FHIT: variants seen among roughly 807,000 people sequenced by gnomAD.
FHIT encodes the protein fragile histidine triad diadenosine triphosphatase.
A neutral mutation model predicts 17.9 loss-of-function variants in FHIT; 19 were observed. The ratio of observed to expected loss-of-function variants is 1.06; its 90% CI spans 0.74 to 1.56. The LOEUF is 1.56. FHIT is among the 40% of genes most tolerant of loss of function. The pLI, the probability that FHIT is intolerant of heterozygous loss-of-function variation, is 0.00. For missense variants in FHIT, 248 were observed against 189.2 expected, an observed-to-expected ratio of 1.31 and a Z score of -1.82; for synonymous variants, 81 against 69.7, an observed-to-expected ratio of 1.16 and a Z score of -0.81.
At chr3:60,226,299 C>T (rs1704193723) in intron 5 of FHIT, among the ~76,000 whole-genome samples, 1 of 151,894 alleles carries the variant, frequency 6.6e-6, no homozygotes, top group African/African-American at 2.4e-5. Flanking sequence ...AGGGAGAAAC[C>T]CTGTCTCTAC....
At chr3:61,027,259 G>A (rs1275306371) in intron 3 of FHIT, among the ~76,000 whole-genome samples, 2 of 151,950 alleles carry the variant, frequency 1.3e-5, no homozygotes, top group East Asian at 1.9e-4. Flanking sequence ...GCAAATTTTT[G>A]TAGTTTTAGT....
chr3:59,994,231 T>C (rs984958064), intron 7 of FHIT, among the ~76,000 whole-genome samples: 2 of 151,938 alleles, frequency 1.3e-5, no homozygotes, highest in African/African-American at 4.8e-5. Context: ...AACTGCAAAA[T>C]ATTAAGCCAC....
intron 5 of FHIT, among the ~76,000 whole-genome samples, chr3:60,173,321 G>A (rs1287577753): frequency 6.6e-6 from 1 of 152,136 alleles, no homozygotes; most frequent in Non-Finnish European, 1.5e-5. Context: ...ATTCACCAGT[G>A]AATCTCAAGT....
intron 2 of FHIT, among the ~76,000 whole-genome samples, chr3:61,184,203 C>T (rs902627324): frequency 1.3e-5 from 2 of 152,080 alleles, no homozygotes; most frequent in African/African-American, 2.4e-5. Flanking sequence ...ACACACCTCT[C>T]GGCTAACATC....
chr3:60,465,985 C>A (rs562703824), intron 5 of FHIT, among the ~76,000 whole-genome samples: 7 of 152,128 alleles, frequency 4.6e-5, no homozygotes, highest in Non-Finnish European at 1.0e-4. Context: ...ATAGAATGGG[C>A]ATTTTAACAG....
intron 4 of FHIT, among the ~76,000 whole-genome samples, chr3:60,662,174 T>A (rs1387611482): frequency 6.6e-6 from 1 of 152,218 alleles, no homozygotes; most frequent in Non-Finnish European, 1.5e-5. Context: ...TGGTTTCAGG[T>A]CTTAGATTTA....
Position 60,536,899 on chromosome 3 carries a change from A to C in FHIT, c.64T>G (p.Ser22Ala), listed in dbSNP as rs141483349. ...GGTTTCCTATTCACAAGAGCGAAGG[A>C]CAGTTCTGTTTTGAGAAACACTACA... ...PSVVFLKTEL[S>A]FALVNRKPVV... Residue 22 changes from serine to alanine, a missense_variant, in exon 5 of 10, where the codon TCC becomes GCC. By Grantham distance (99) the Ser-to-Ala change is moderately conservative (BLOSUM62 1). Transcript: ENST00000492590. 1.2e-6 allele frequency: 2 copies of C among 1,613,486 alleles called. No individual in the cohort carries two copies. Among genetic ancestry groups the C allele is most frequent in the Non-Finnish European group, 1.7e-6 (2 of 1,179,694 alleles).
At chr3:60,176,848 C>G (rs1199879310) in intron 5 of FHIT, among the ~76,000 whole-genome samples, 2 of 152,122 alleles carry the variant, frequency 1.3e-5, no homozygotes, top group Admixed American at 1.3e-4. Flanking sequence ...CCATAAAATC[C>G]GTTGCTTGGA....
chr3:60,692,401 C>A (rs1455359964), intron 4 of FHIT, among the ~76,000 whole-genome samples: 4 of 152,090 alleles, frequency 2.6e-5, no homozygotes, highest in African/African-American at 9.7e-5. Context: ...AATCGTCTGA[C>A]CTTAAAACAG....
At chr3:59,876,525 T>C (rs1317429562) in intron 8 of FHIT, among the ~76,000 whole-genome samples, 2 of 152,120 alleles carry the variant, frequency 1.3e-5, no homozygotes, top group African/African-American at 4.8e-5. Context: ...GAGACCAATG[T>C]TCCATTGTCA....
chr3:59,911,039 C>G (rs1414591317), intron 8 of FHIT, among the ~76,000 whole-genome samples: 1 of 152,164 alleles, frequency 6.6e-6, no homozygotes, highest in African/African-American at 2.4e-5. Context: ...TAACTTTTCT[C>G]TCTCCAGTTT....
At position 60,220,698 on chromosome 3, in the gene FHIT, C is replaced by G. The variant is rs944990989; in HGVS notation, c.104-206546G>C. 2.6e-5 allele frequency among the ~76,000 whole-genome samples: 4 copies of G among 152,222 alleles called. No individual in the cohort carries two copies. The East Asian group carries it at 7.7e-4, about 29-fold the overall frequency. ...GCTAAAGGAGGACAAGAAAATAGGA[C>G]CTGCTCAAATTCATGCATGGTGGCA... On this transcript the variant is annotated intron_variant, in intron 5 of 9. Coordinates refer to ENST00000492590, the MANE Select transcript of FHIT (RefSeq NM_002012.4).
Position 60,869,444 on chromosome 3 carries a change from C to T in FHIT, c.-110-47433G>A, listed in dbSNP as rs140897714. ...GGAATACAGCCCCCTTCTATCTCTG[C>T]TTCTCAATTCTCATAGGGAAATATG... On this transcript the variant is annotated intron_variant, in intron 3 of 9. Transcript: ENST00000492590. Among the ~76,000 whole-genome samples, 71 of 152,250 alleles carry T rather than the reference C, an allele frequency of 4.7e-4. No individual in the cohort carries two copies. The East Asian group carries it at 6.8e-3, about 15-fold the overall frequency.
intron 5 of FHIT, among the ~76,000 whole-genome samples, chr3:60,303,778 G>A (rs1401886799): frequency 2.6e-5 from 4 of 152,104 alleles, no homozygotes; most frequent in Non-Finnish European, 5.9e-5. Context: ...ACTCCCAGTT[G>A]GTTAAGCCAC....
intron 4 of FHIT, among the ~76,000 whole-genome samples, chr3:60,557,112 T>C (rs1381419858): frequency 6.6e-6 from 1 of 152,180 alleles, no homozygotes; most frequent in Non-Finnish European, 1.5e-5. Flanking sequence ...TATAAATGCT[T>C]TATGTAAATA....
chr3:60,776,616 G>A (rs1553724524), intron 4 of FHIT, among the ~76,000 whole-genome samples: 1 of 152,146 alleles, frequency 6.6e-6, no homozygotes, highest in South Asian at 2.1e-4. Flanking sequence ...GGGGACACAC[G>A]GAACTAACCG....
chr3:60,508,125 C>A (rs1472572944), intron 5 of FHIT, among the ~76,000 whole-genome samples: 2 of 152,082 alleles, frequency 1.3e-5, no homozygotes, highest in African/African-American at 2.4e-5. Flanking sequence ...AGAGTGAAGA[C>A]AATAAATAAG....
At position 60,961,860 on chromosome 3, in the gene FHIT, C is replaced by T. The variant is rs576406604; in HGVS notation, c.-111+80187G>A. Reference sequence around the variant, plus strand: ...TGTAGTATAGTTTGAAGTCAAGTAGCGTGATGCCTCTAGCTTTGTTCTTTT... The same window carrying T: ...TGTAGTATAGTTTGAAGTCAAGTAGTGTGATGCCTCTAGCTTTGTTCTTTT... On this transcript the variant is annotated intron_variant, in intron 3 of 9. Transcript: ENST00000492590. 1.1e-3 allele frequency among the ~76,000 whole-genome samples: 162 copies of T among 152,174 alleles called. 1 individual carries two copies. The highest frequency in any genetic ancestry group is 9.3e-4 in the Non-Finnish European group (63 of 67,994).
At chr3:60,436,083 T>C (rs1341943739) in intron 5 of FHIT, among the ~76,000 whole-genome samples, 2 of 152,034 alleles carry the variant, frequency 1.3e-5, no homozygotes, top group African/African-American at 2.4e-5. Flanking sequence ...CGCTCTGTCA[T>C]CCAGACTGGA....
Sources: gnomAD v4.1 joint callset for allele counts (sites outside exome capture counted in the v4.1 genomes callset) on GRCh38, gnomAD v4.1.1 for gene constraint, MANE v1.5 for transcripts, NCBI Gene and HGNC (gene_info 2026-07-23, HGNC 2026-07-21) for gene names.